The following PRDM1 variants were observed in gnomAD, a reference collection of about 807,000 sequenced individuals.
The protein encoded by PRDM1 is PR/SET domain 1.
Under a neutral mutation model 62.8 loss-of-function variants are expected in PRDM1, and 13 were observed. The observed-to-expected ratio is 0.21, with a 90% CI of 0.13 to 0.33. The LOEUF (loss-of-function observed/expected upper bound fraction) is 0.33, where lower values mean the gene tolerates loss of function less well. Among genes scored for constraint, PRDM1 ranks in the 10% least tolerant of loss-of-function variants. The pLI, the probability that PRDM1 is intolerant of heterozygous loss-of-function variation, is 1.00. For missense variants in PRDM1, 895 were observed against 1,058.8 expected, an observed-to-expected ratio of 0.85 and a Z score of 2.15; for synonymous variants, 396 against 417.6, an observed-to-expected ratio of 0.95 and a Z score of 0.63.
chr6:106,108,472 C>G lies in PRDM1; in HGVS notation c.*986C>G, dbSNP rs1003773886. On this transcript the variant is annotated 3_prime_UTR_variant, in exon 7 of 7. Transcript: ENST00000369096. ...AAGCATAGGTGGCTTTGTGTGTGTG[C>G]GATTTGGGGGCTTGAGTCTGGGTGG... The G allele has an allele frequency of 1.1e-4, 24 of 215,586 alleles. No homozygotes were observed. Among genetic ancestry groups the G allele is most frequent in the Non-Finnish European group, 1.8e-4 (20 of 112,342 alleles). The allele number at this position is 215,586 out of a possible 1,614,324, so 13.4% of individuals were successfully genotyped here. A position where few individuals can be genotyped will look rare whatever the true frequency, so the allele number is the denominator to read the frequency against.
At chr6:106,025,766 T>A (rs1352154450) in intron 1 of PRDM1, among the ~76,000 whole-genome samples, 3 of 152,200 alleles carry the variant, frequency 2.0e-5, no homozygotes, top group African/African-American at 7.2e-5. Context: ...AATAAGTTGT[T>A]TATGCAGCAT....
chr6:106,068,271 T>C (rs551668768), intron 1 of PRDM1, among the ~76,000 whole-genome samples: 1 of 152,246 alleles, frequency 6.6e-6, no homozygotes, highest in Non-Finnish European at 1.5e-5. Context: ...TTTGTATTTT[T>C]AGTAGAGACA....
intron 1 of PRDM1, among the ~76,000 whole-genome samples, chr6:106,050,449 TG>T (rs1481612767): frequency 6.6e-6 from 1 of 152,230 alleles, no homozygotes; most frequent in Non-Finnish European, 1.5e-5. Context: ...ACTTAGGAAT[TG>T]TTTTTTTTGT....
At chr6:106,027,988 C>T (rs1017410579) in intron 1 of PRDM1, among the ~76,000 whole-genome samples, 12 of 152,186 alleles carry the variant, frequency 7.9e-5, no homozygotes, top group Non-Finnish European at 1.8e-4. Context: ...CAGCTTTCAG[C>T]ACCAATAGAG....
intron 1 of PRDM1, among the ~76,000 whole-genome samples, chr6:106,077,028 C>T (rs1773615062): frequency 6.6e-6 from 1 of 152,188 alleles, no homozygotes; most frequent in South Asian, 2.1e-4. Flanking sequence ...AGTGGATGAA[C>T]TTATTTTCAA....
intron 3 of PRDM1, chr6:106,096,103 G>T: frequency 1.2e-5 from 2 of 172,064 alleles, no homozygotes; most frequent in African/African-American, 2.4e-5. Context: ...ATTTCTTGCT[G>T]ACTTAACTTT....
At chr6:106,016,232 A>T (rs1417858574) in intron 1 of PRDM1, among the ~76,000 whole-genome samples, 3 of 152,152 alleles carry the variant, frequency 2.0e-5, no homozygotes, top group Non-Finnish European at 4.4e-5. Flanking sequence ...TCATTTGTTG[A>T]TAGACATTGG....
At chr6:106,000,179 CTA>C (rs1156549255) in intron 1 of PRDM1, among the ~76,000 whole-genome samples, 7 of 152,218 alleles carry the variant, frequency 4.6e-5, no homozygotes, top group African/African-American at 1.7e-4. Flanking sequence ...TACCAAAAAA[CTA>C]TAGAGAATAT....
intron 1 of PRDM1, chr6:106,072,297 T>C (rs904512370): frequency 2.0e-5 from 3 of 152,230 alleles, no homozygotes; most frequent in Non-Finnish European, 4.4e-5. Context: ...GACATTGTTT[T>C]TTAGGGCTAT....
At chr6:106,042,536 AAAAC>A (rs1162076183) in intron 1 of PRDM1, among the ~76,000 whole-genome samples, 1 of 151,644 alleles carries the variant, frequency 6.6e-6, no homozygotes, top group Non-Finnish European at 1.5e-5. Context: ...TCAAAAAAAA[AAAAC>A]AAACAAACAA....
In PRDM1 at chr6:106,090,664, C is replaced by A. The variant is rs555530376; in HGVS notation, c.291+2215C>A. ...AGGATTGATGAAATGTTTACATTAT[C>A]TTTATTCAGTTAGTTCTTTAAGTTC... On this transcript the variant is annotated intron_variant, in intron 2 of 6. Coordinates refer to ENST00000369096, the MANE Select transcript of PRDM1 (RefSeq NM_001198.4). Among the ~76,000 whole-genome samples the A allele has an allele frequency of 7.9e-5, 12 of 152,314 alleles. No individual in the cohort carries two copies. The South Asian group carries it at 2.5e-3, about 32-fold the overall frequency.
At chr6:106,062,430 T>C (rs1276662107) in intron 1 of PRDM1, among the ~76,000 whole-genome samples, 1 of 152,224 alleles carries the variant, frequency 6.6e-6, no homozygotes, top group Non-Finnish European at 1.5e-5. Context: ...CACTGATTTA[T>C]ACAGAATAAT....
intron 1 of PRDM1, among the ~76,000 whole-genome samples, chr6:106,009,344 C>A (rs537914613): frequency 6.6e-6 from 1 of 152,222 alleles, no homozygotes; most frequent in South Asian, 2.1e-4. Context: ...GGATGACTTT[C>A]GCTTCCTTTT....
At chr6:106,095,574 TA>T in intron 2 of PRDM1, 40 bp from the exon 3 acceptor site, 2 of 1,601,334 alleles carry the variant, frequency 1.2e-6, no homozygotes, top group South Asian at 1.1e-5. Flanking sequence ...GTTAACATTT[TA>T]TAGTCAAAGT....
At chr6:106,014,530 A>C (rs1367195114) in intron 1 of PRDM1, among the ~76,000 whole-genome samples, 1 of 151,838 alleles carries the variant, frequency 6.6e-6, no homozygotes, top group African/African-American at 2.4e-5. Context: ...AAAAATTGAA[A>C]CCAGATTATT....
intron 1 of PRDM1, among the ~76,000 whole-genome samples, chr6:106,052,702 G>A (rs560107291): frequency 5.3e-5 from 8 of 152,038 alleles, no homozygotes; most frequent in African/African-American, 1.9e-4. Context: ...CGGGCGTGGG[G>A]TGGCTCACAC....
intron 1 of PRDM1, among the ~76,000 whole-genome samples, chr6:106,032,424 C>A (rs1453779001): frequency 6.6e-6 from 1 of 151,930 alleles, no homozygotes; most frequent in African/African-American, 2.4e-5. Context: ...CTCAGTCTCC[C>A]AAAGTACAAT....
chr6:106,032,637 A>G (rs971787585), intron 1 of PRDM1, among the ~76,000 whole-genome samples: 1 of 151,796 alleles, frequency 6.6e-6, no homozygotes, highest in Non-Finnish European at 1.5e-5. Flanking sequence ...GGGGTTCACC[A>G]TGTTGGCCAT....
chr6:106,032,009 T>C (rs1772850313), intron 1 of PRDM1, among the ~76,000 whole-genome samples: 1 of 152,214 alleles, frequency 6.6e-6, no homozygotes, highest in Non-Finnish European at 1.5e-5. Context: ...TCTCTGCAAT[T>C]AGTATATGTT....
Sources: allele counts gnomAD v4.1 joint callset (sites outside exome capture counted in the v4.1 genomes callset), GRCh38; gene constraint gnomAD v4.1.1; transcripts MANE v1.5; gene names NCBI Gene and HGNC (gene_info 2026-07-23, HGNC 2026-07-21).